The following RBPMS variants were observed in gnomAD, a reference collection of about 807,000 sequenced individuals.
RBPMS encodes RNA-binding protein with multiple splicing.
In RBPMS, 7 loss-of-function variants were observed where a neutral mutation model predicts 26.8. The ratio of observed to expected loss-of-function variants is 0.26; its 90% CI spans 0.15 to 0.49. The LOEUF (loss-of-function observed/expected upper bound fraction) is 0.49, where lower values mean the gene tolerates loss of function less well. Ranked by LOEUF, RBPMS falls within the 20% of genes least tolerant of loss-of-function variation. The pLI, the probability that RBPMS is intolerant of heterozygous loss-of-function variation, is 0.98. For synonymous variants in RBPMS, 96 were observed against 93.3 expected, an observed-to-expected ratio of 1.03 and a Z score of -0.17; for missense variants, 186 against 250.0, an observed-to-expected ratio of 0.74 and a Z score of 1.73.
chr8:30,450,809 AAG>A (rs1554516868), intron 1 of RBPMS, among the ~76,000 whole-genome samples: 1 of 138,850 alleles, frequency 7.2e-6, no homozygotes, highest in African/African-American at 2.6e-5. Context: ...AAAAAAAAAA[AAG>A]TGTGTTTTTG....
chr8:30,447,416 A>C (rs1813998502), intron 1 of RBPMS, among the ~76,000 whole-genome samples: 1 of 152,314 alleles, frequency 6.6e-6, no homozygotes, highest in East Asian at 1.9e-4. Context: ...TTAGAATAGT[A>C]AAGTGTGTAA....
At chr8:30,392,096 G>A (rs377347983) in intron 1 of RBPMS, among the ~76,000 whole-genome samples, 3 of 152,014 alleles carry the variant, frequency 2.0e-5, no homozygotes, top group East Asian at 3.9e-4. Context: ...CAGTTTAATG[G>A]TGATGCCCCT....
At chr8:30,444,742 T>C (rs1217834666) in intron 1 of RBPMS, 1 of 152,250 alleles carries the variant, frequency 6.6e-6, no homozygotes, top group Admixed American at 6.5e-5. Context: ...AAAAGTTCCA[T>C]GTTCCTCCTC....
rs1818036081 is a variant in RBPMS, at chr8:30,479,370, CTTTGAATGT to C, written c.240_246+2del. On this transcript the variant is annotated splice_donor_variant and coding_sequence_variant, in exon 4 of 9. Transcript: ENST00000397323. LOFTEE classifies it high-confidence loss of function. ...TCAGAAGCAGAGGCTGCAAAGAATG[CTTTGAATGT>C]AAGTACTAATGATGTAATTGTAGGG... 6.2e-7 allele frequency: 1 copy of C among 1,601,014 alleles called. No homozygotes were observed. Among genetic ancestry groups the C allele is most frequent in the Non-Finnish European group, 8.5e-7 (1 of 1,174,118 alleles).
chr8:30,542,417 T>TG (rs1245136765), intron 5 of RBPMS, among the ~76,000 whole-genome samples: 1 of 152,232 alleles, frequency 6.6e-6, no homozygotes, highest in Non-Finnish European at 1.5e-5. Context: ...CATTTCATTT[T>TG]TAAAAGTTTC....
At chr8:30,455,639 C>G (rs1815110874) in intron 1 of RBPMS, among the ~76,000 whole-genome samples, 1 of 152,078 alleles carries the variant, frequency 6.6e-6, no homozygotes, top group Non-Finnish European at 1.5e-5. Context: ...CCTGTAATCC[C>G]AGCACTTTGG....
intron 4 of RBPMS, among the ~76,000 whole-genome samples, chr8:30,481,026 TG>T (rs1462548682): frequency 6.6e-6 from 1 of 152,272 alleles, no homozygotes; most frequent in African/African-American, 2.4e-5. Context: ...ACTCATTTTC[TG>T]AACAATAGGC....
At chr8:30,518,603 T>G (rs562596523) in intron 5 of RBPMS, among the ~76,000 whole-genome samples, 2 of 150,216 alleles carry the variant, frequency 1.3e-5, no homozygotes, top group Non-Finnish European at 3.0e-5. Flanking sequence ...TTTTTTTGTA[T>G]TTTTAGTAGA....
chr8:30,515,969 A>G (rs951665104), intron 5 of RBPMS, among the ~76,000 whole-genome samples: 1 of 152,188 alleles, frequency 6.6e-6, no homozygotes, highest in Non-Finnish European at 1.5e-5. Context: ...TTTAACTTCA[A>G]AAGTTTATAA....
chr8:30,483,223 A>G lies in RBPMS; in HGVS notation c.246+3846A>G, dbSNP rs6991237. Among the ~76,000 whole-genome samples the G allele has an allele frequency of 1.6e-3, 243 of 152,268 alleles. 2 individuals are homozygous for G. The highest frequency in any genetic ancestry group is 5.4e-3 in the African/African-American group (226 of 41,548). On this transcript the variant is annotated intron_variant, in intron 4 of 8. Coordinates refer to ENST00000397323, the MANE Select transcript of RBPMS (RefSeq NM_001008710.3). Reference sequence around the variant, plus strand: ...ATTGTTTTGTCTTACTGGTGTTTGGAAATTGGTCATTACTTTAAAAAGTTT... The same window carrying G: ...ATTGTTTTGTCTTACTGGTGTTTGGGAATTGGTCATTACTTTAAAAAGTTT...
intron 1 of RBPMS, among the ~76,000 whole-genome samples, chr8:30,471,943 C>T (rs1447711989): frequency 6.6e-6 from 1 of 152,110 alleles, no homozygotes; most frequent in African/African-American, 2.4e-5. Flanking sequence ...CAGCAGAATA[C>T]ACATTTGTTT....
intron 1 of RBPMS, among the ~76,000 whole-genome samples, chr8:30,452,302 T>C (rs1814678682): frequency 6.6e-6 from 1 of 152,172 alleles, no homozygotes; most frequent in South Asian, 2.1e-4. Flanking sequence ...GAGTAACTCA[T>C]GTTTGATGTA....
chr8:30,528,952 A>C (rs553094239), intron 5 of RBPMS, among the ~76,000 whole-genome samples: 72 of 152,198 alleles, frequency 4.7e-4, no homozygotes, highest in African/African-American at 1.6e-3. Context: ...ACAGTGGCTC[A>C]TGCCTGTAAT....
chr8:30,387,630 G>T (rs1466527338), intron 1 of RBPMS, among the ~76,000 whole-genome samples: 1 of 152,120 alleles, frequency 6.6e-6, no homozygotes, highest in East Asian at 1.9e-4. Context: ...AATGTGTTTC[G>T]TTGTAATTTC....
chr8:30,448,579 T>G (rs1814150814), intron 1 of RBPMS, among the ~76,000 whole-genome samples: 1 of 152,194 alleles, frequency 6.6e-6, no homozygotes, highest in Non-Finnish European at 1.5e-5. Flanking sequence ...GAAAAAAGCC[T>G]GCAGAAATGT....
At chr8:30,486,357 A>T (rs1029850786) in intron 4 of RBPMS, among the ~76,000 whole-genome samples, 10 of 115,626 alleles carry the variant, frequency 8.6e-5, no homozygotes, top group African/African-American at 3.3e-4. Context: ...TAAATAAATA[A>T]ATAACATAAA....
At position 30,385,072 on chromosome 8, in the gene RBPMS, C is replaced by G. The variant is rs1251987468; in HGVS notation, c.-21C>G. 2.0e-6 allele frequency: 3 copies of G among 1,502,508 alleles called. No individual in the cohort carries two copies. Among genetic ancestry groups the G allele is most frequent in the Non-Finnish European group, 2.7e-6 (3 of 1,125,050 alleles). The allele number at this position is 1,502,508 out of a possible 1,614,324, so 93.1% of individuals were successfully genotyped here. On this transcript the variant is annotated 5_prime_UTR_variant, in exon 1 of 9. Transcript: ENST00000397323. ...CCCCGCGCCCCAGCCCTGCCCGGCC[C>G]GGCGAGGAAGGACCGGGAAGATGAA...
Position 30,384,884 on chromosome 8 carries a change from C to T in RBPMS, c.-209C>T. On this transcript the variant is annotated 5_prime_UTR_variant, in exon 1 of 9. Coordinates refer to ENST00000397323, the MANE Select transcript of RBPMS (RefSeq NM_001008710.3). The surrounding 1 kb of genome is among the most constrained non-coding windows in gnomAD (Gnocchi z 5.6). ...CGTCTCTCCCTTGCACTTCCTGAGTCGCCCGCCGCCGCCGTCGCAGACTCG... is the reference window on the plus strand; with the variant it reads ...CGTCTCTCCCTTGCACTTCCTGAGTTGCCCGCCGCCGCCGTCGCAGACTCG... 5.6e-6 allele frequency: 2 copies of T among 354,216 alleles called. No homozygotes were observed. The highest frequency in any genetic ancestry group is 1.0e-5 in the Non-Finnish European group (2 of 200,812). The allele number at this position is 354,216 out of a possible 1,614,324, so 21.9% of individuals were successfully genotyped here.
At chr8:30,504,250 A>C (rs376669088) in intron 4 of RBPMS, 36 bp from the exon 5 acceptor site, 132 of 1,612,622 alleles carry the variant, frequency 8.2e-5, no homozygotes, top group Non-Finnish European at 1.0e-4. Flanking sequence ...CTCAAAGGAA[A>C]TGAAAACATC....
Sources: allele counts gnomAD v4.1 joint callset (sites outside exome capture counted in the v4.1 genomes callset), GRCh38; gene constraint gnomAD v4.1.1; non-coding constraint Gnocchi (gnomAD v3.1); transcripts MANE v1.5; gene names NCBI Gene and HGNC (gene_info 2026-07-23, HGNC 2026-07-21).